Variants in TFCP2 observed in about 807,000 individuals in gnomAD.
TFCP2 encodes alpha-globin transcription factor CP2.
In TFCP2, 33 loss-of-function variants were observed where a neutral mutation model predicts 73.4. The ratio of observed to expected loss-of-function variants is 0.45; its 90% confidence interval spans 0.34 to 0.60. The LOEUF (loss-of-function observed/expected upper bound fraction) is 0.60. Among genes scored for constraint, TFCP2 ranks in the 20% least tolerant of loss-of-function variants. The pLI is 0.01. For missense variants in TFCP2, 352 were observed against 604.0 expected, an observed-to-expected ratio of 0.58 and a Z score of 4.37; for synonymous variants, 193 against 211.6, an observed-to-expected ratio of 0.91 and a Z score of 0.76.
intron 1 of TFCP2, among the ~76,000 whole-genome samples, chr12:51,164,597 GAAA>G (rs34452012): frequency 3.0e-5 from 3 of 99,360 alleles, no homozygotes; most frequent in African/African-American, 3.9e-5. Flanking sequence ...ACTCCATCTC[GAAA>G]AAAAAAAAAA....
chr12:51,117,760 G>T lies in TFCP2; in HGVS notation c.275-13C>A. The T allele has an allele frequency of 6.3e-7, 1 of 1,577,484 alleles. No individual in the cohort carries two copies. Among genetic ancestry groups the T allele is most frequent in the South Asian group, 1.1e-5 (1 of 87,764 alleles). ...TCATAAGACTGTCCTAGAAGAAAAA[G>T]TAATTACATATTATATTCACCACAA... On this transcript the variant is annotated splice_polypyrimidine_tract_variant and intron_variant, in intron 2 of 14. Coordinates refer to ENST00000257915, the MANE Select transcript of TFCP2 (RefSeq NM_005653.5).
intron 1 of TFCP2, among the ~76,000 whole-genome samples, chr12:51,156,521 G>A (rs1012374081): frequency 1.3e-5 from 2 of 152,166 alleles, no homozygotes; most frequent in African/African-American, 4.8e-5. Context: ...CTCAACTTGC[G>A]ATTTGGAGGG....
At chr12:51,120,845 G>C (rs1018768725) in intron 1 of TFCP2, among the ~76,000 whole-genome samples, 1 of 136,802 alleles carries the variant, frequency 7.3e-6, no homozygotes, top group Non-Finnish European at 1.5e-5. Context: ...TGAGGCACGA[G>C]AATCACTTGA....
intron 1 of TFCP2, among the ~76,000 whole-genome samples, chr12:51,121,491 A>G (rs1940672280): frequency 6.9e-6 from 1 of 144,770 alleles, no homozygotes; most frequent in African/African-American, 2.5e-5. Flanking sequence ...TTTTTAAGAC[A>G]GTCTCACTCT....
chr12:51,096,376 CT>C (rs1228391478), intron 13 of TFCP2, among the ~76,000 whole-genome samples: 1 of 152,196 alleles, frequency 6.6e-6, no homozygotes, highest in African/African-American at 2.4e-5. Flanking sequence ...CATATGTGCT[CT>C]TTCCTAAAAC....
chr12:51,101,843 G>A, intron 11 of TFCP2, 92 bp downstream of exon 11: 1 of 732,176 alleles, frequency 1.4e-6, no homozygotes, highest in South Asian at 1.7e-5. Flanking sequence ...TTGAGAAGGT[G>A]TATTTAGCTG....
chr12:51,105,503 A>T (rs1940213239), intron 8 of TFCP2, among the ~76,000 whole-genome samples: 1 of 152,202 alleles, frequency 6.6e-6, no homozygotes, highest in Non-Finnish European at 1.5e-5. Flanking sequence ...GAAGAGAAAA[A>T]TTTTTAAACA....
intron 12 of TFCP2, among the ~76,000 whole-genome samples, 178 bp downstream of exon 12, chr12:51,099,477 C>CAA (rs11296144): frequency 3.6e-5 from 5 of 138,156 alleles, no homozygotes; most frequent in Admixed American, 1.4e-4. Flanking sequence ...GACTCTGTCT[C>CAA]AAAAAAAAAA....
intron 1 of TFCP2, among the ~76,000 whole-genome samples, chr12:51,132,387 T>TTTTTTTTA (rs1186866774): frequency 2.4e-5 from 3 of 127,582 alleles, no homozygotes; most frequent in African/African-American, 2.9e-5. Flanking sequence ...TTTTTTTTTT[T>TTTTTTTTA]AGACAGAGTC....
chr12:51,167,200 ATAAGGAT>A (rs959312410), intron 1 of TFCP2, among the ~76,000 whole-genome samples: 2 of 152,240 alleles, frequency 1.3e-5, no homozygotes, highest in Admixed American at 1.3e-4. Context: ...AGGACCACTA[ATAAGGAT>A]TAAATAAATC....
intron 3 of TFCP2, among the ~76,000 whole-genome samples, chr12:51,116,883 C>A (rs2136981830): frequency 6.6e-6 from 1 of 152,294 alleles, no homozygotes; most frequent in African/African-American, 2.4e-5. Flanking sequence ...TCTCAAAGTG[C>A]TGGGACTATA....
intron 1 of TFCP2, among the ~76,000 whole-genome samples, chr12:51,137,001 G>A (rs748620642): frequency 3.3e-5 from 5 of 152,128 alleles, no homozygotes; most frequent in East Asian, 3.9e-4. Flanking sequence ...CTGTCCCTGA[G>A]AGAGATACCT....
At chr12:51,157,116 A>C (rs940316582) in intron 1 of TFCP2, 3 of 151,708 alleles carry the variant, frequency 2.0e-5, no homozygotes, top group African/African-American at 4.9e-5. Flanking sequence ...CCCAGGTTCA[A>C]GTGATTCTCC....
In TFCP2 at chr12:51,172,717, C is replaced by G; in HGVS notation, c.-295G>C. The G allele has an allele frequency of 3.3e-6, 1 of 306,204 alleles. No homozygotes were observed. The highest frequency in any genetic ancestry group is 6.3e-6 in the Non-Finnish European group (1 of 157,714). The allele number at this position is 306,204 out of a possible 1,614,324, so 19.0% of individuals were successfully genotyped here. Reference sequence around the variant, plus strand: ...GACTTCCCAGAGGCAGCTCTGGACTCCCGCACTCCCACTCCTCTTGAGAGT... The same window carrying G: ...GACTTCCCAGAGGCAGCTCTGGACTGCCGCACTCCCACTCCTCTTGAGAGT... On this transcript the variant is annotated 5_prime_UTR_variant, in exon 1 of 15. Coordinates refer to ENST00000257915, the MANE Select transcript of TFCP2 (RefSeq NM_005653.5).
At chr12:51,129,074 A>T (rs1940880461) in intron 1 of TFCP2, among the ~76,000 whole-genome samples, 1 of 152,234 alleles carries the variant, frequency 6.6e-6, no homozygotes, top group African/African-American at 2.4e-5. Flanking sequence ...TCAAAGAGAC[A>T]TACAGCCTGT....
chr12:51,157,676 C>CTTTT (rs1565578176), intron 1 of TFCP2, among the ~76,000 whole-genome samples: 3 of 112,708 alleles, frequency 2.7e-5, no homozygotes, highest in African/African-American at 1.0e-4. Flanking sequence ...TGAGTTTTTT[C>CTTTT]TTTTCTTTTC....
intron 1 of TFCP2, among the ~76,000 whole-genome samples, chr12:51,151,443 GTTA>G (rs1941421777): frequency 1.3e-5 from 2 of 152,190 alleles, no homozygotes; most frequent in South Asian, 2.1e-4. Context: ...ATTTTTTGTT[GTTA>G]TTGTTGTTGA....
chr12:51,155,395 T>C (rs933450800), intron 1 of TFCP2, among the ~76,000 whole-genome samples: 5 of 152,214 alleles, frequency 3.3e-5, no homozygotes, highest in Admixed American at 2.0e-4. Context: ...CTATATCCTA[T>C]TGGTTTTGTC....
At chr12:51,111,211 T>C (rs1238145280) in intron 4 of TFCP2, among the ~76,000 whole-genome samples, 1 of 151,982 alleles carries the variant, frequency 6.6e-6, no homozygotes, top group African/African-American at 2.4e-5. Context: ...TGGCACCATC[T>C]CAGCTCACTG....
Sources: gnomAD v4.1 joint callset for allele counts (sites outside exome capture counted in the v4.1 genomes callset) on GRCh38, gnomAD v4.1.1 for gene constraint, MANE v1.5 for transcripts, NCBI Gene and HGNC (gene_info 2026-07-23, HGNC 2026-07-21) for gene names.